SLC12A8: variants seen among roughly 807,000 people sequenced by gnomAD.
SLC12A8 encodes the protein solute carrier family 12 member 8.
In SLC12A8, 69 loss-of-function variants were observed where a neutral mutation model predicts 75.6. The observed-to-expected ratio is 0.91, with a 90% CI of 0.75 to 1.11. The LOEUF is 1.11. SLC12A8 is among the 50% of genes most tolerant of loss of function. The pLI, the probability that SLC12A8 is intolerant of heterozygous loss-of-function variation, is 0.00. For synonymous variants in SLC12A8, 365 were observed against 372.8 expected (o/e 0.98, Z 0.24); for missense variants, 877 against 896.7 (o/e 0.98, Z 0.28).
rs530680680 is a variant in SLC12A8 at position 125,156,863 on chromosome 3, C to T, written c.622+20880G>A. Among the ~76,000 whole-genome samples the T allele has an allele frequency of 5.3e-5, 8 of 152,308 alleles. No homozygotes were observed. The East Asian group carries it at 1.5e-3, about 29-fold the overall frequency. On this transcript the variant is annotated intron_variant, in intron 5 of 13. Transcript: ENST00000469902. ...AGAGCAAATCTGATTCAACCCCTTC[C>T]CTGCTTCAAAGAAAAGCCTATTGAC...
intron 4 of SLC12A8, among the ~76,000 whole-genome samples, chr3:125,179,785 C>T (rs1468267861): frequency 6.6e-6 from 1 of 152,188 alleles, no homozygotes; most frequent in Non-Finnish European, 1.5e-5. Context: ...AGAACTCAAA[C>T]TTCCTCTTTA....
intron 5 of SLC12A8, among the ~76,000 whole-genome samples, chr3:125,158,220 CT>C (rs540194580): frequency 3.4e-4 from 50 of 146,544 alleles, no homozygotes; most frequent in Middle Eastern, 3.5e-3. Flanking sequence ...TTAGCTTTTC[CT>C]TTTTTTTTTT....
intron 3 of SLC12A8, 59 bp from the exon 4 acceptor site, chr3:125,187,487 T>C (rs1449623402): frequency 1.7e-5 from 25 of 1,509,782 alleles, no homozygotes; most frequent in African/African-American, 4.1e-5. Flanking sequence ...GCCAGCTCCC[T>C]GCTGGGGGCA....
At position 125,162,477 on chromosome 3, in the gene SLC12A8, C is replaced by T. The variant is rs151258210; in HGVS notation, c.622+15266G>A. On this transcript the variant is annotated intron_variant, in intron 5 of 13. Transcript: ENST00000469902. ...ATCACGTCACCAGAGACAAAGCCAA[C>T]GGAGGGTGGAAGCAACAGGAGCGTG... 3.6e-3 allele frequency among the ~76,000 whole-genome samples: 543 copies of T among 152,314 alleles called. 1 individual carries two copies. The highest frequency in any genetic ancestry group is 0.012 in the African/African-American group (500 of 41,560).
At chr3:125,092,950 A>C (rs139287180) in intron 10 of SLC12A8, among the ~76,000 whole-genome samples, 3 of 152,156 alleles carry the variant, frequency 2.0e-5, no homozygotes, top group Non-Finnish European at 2.9e-5. Context: ...AATAGTGTAC[A>C]CTGTAGCCAT....
At position 125,107,752 on chromosome 3, in the gene SLC12A8, C is replaced by A. The variant is rs76714073; in HGVS notation, c.1434G>T (p.Arg478Ser). 0.01 allele frequency: 16,797 copies of A among 1,614,148 alleles called. 97 individuals carry two copies. Among genetic ancestry groups the A allele is most frequent in the Non-Finnish European group, 0.012 (14,389 of 1,180,030 alleles). The change falls in exon 10 of 14, where the codon AGG (arginine) becomes AGT (serine). Residue 478 changes from arginine (R) to serine (S), a missense_variant. Physicochemically the swap from Arg to Ser is moderately radical, Grantham distance 110. Transcript: ENST00000469902. ...CTGGGGTCCTGTTACCCTCTCCTTG[C>A]CTGGGCTGGCTACTCTCAAGCTTCC... Reference protein sequence around the residue: ...LTRKLESSQPRQGEGNRTPES... With the variant: ...LTRKLESSQPSQGEGNRTPES...
intron 6 of SLC12A8, among the ~76,000 whole-genome samples, chr3:125,131,920 G>C (rs911780276): frequency 4.6e-5 from 7 of 152,178 alleles, no homozygotes; most frequent in Non-Finnish European, 1.0e-4. Context: ...TGGCAGTACT[G>C]GTGGGGAGCC....
At chr3:125,100,752 G>A (rs1192276755) in intron 10 of SLC12A8, among the ~76,000 whole-genome samples, 2 of 148,106 alleles carry the variant, frequency 1.4e-5, no homozygotes, top group East Asian at 2.1e-4. Context: ...GGTGGCTCAC[G>A]CCTGTAATCC....
At chr3:125,132,389 A>G (rs652746) in intron 6 of SLC12A8, among the ~76,000 whole-genome samples, 136,353 of 152,246 alleles carry the variant, frequency 0.9, 62,540 homozygotes, top group Non-Finnish European at 0.99. Context: ...TCAGGCAGGA[A>G]GCTGACACAG....
intron 2 of SLC12A8, among the ~76,000 whole-genome samples, chr3:125,205,882 C>CT (rs1385785898): frequency 1.3e-5 from 2 of 152,150 alleles, no homozygotes; most frequent in African/African-American, 4.8e-5. Flanking sequence ...GGTCATGGCT[C>CT]TAGGAATCCC....
intron 1 of SLC12A8, among the ~76,000 whole-genome samples, 167 bp from the exon 2 acceptor site, chr3:125,211,561 C>G (rs878948093): frequency 6.6e-6 from 1 of 152,200 alleles, no homozygotes; most frequent in South Asian, 2.1e-4. Flanking sequence ...CTTTTTGGTA[C>G]CCAGGTAGAT....
intron 5 of SLC12A8, among the ~76,000 whole-genome samples, chr3:125,162,129 C>T (rs184473512): frequency 1.3e-5 from 2 of 152,270 alleles, no homozygotes; most frequent in African/African-American, 2.4e-5. Context: ...ATCGCCCAGG[C>T]GACTGCAGAT....
intron 6 of SLC12A8, chr3:125,121,076 A>G (rs1933046398): frequency 3.6e-6 from 2 of 549,602 alleles, no homozygotes; most frequent in South Asian, 4.9e-5. Context: ...CCTGCTCAGC[A>G]GCTTTCCCTG....
At chr3:125,139,991 T>G (rs1250766977) in intron 5 of SLC12A8, among the ~76,000 whole-genome samples, 2 of 152,212 alleles carry the variant, frequency 1.3e-5, no homozygotes, top group Non-Finnish European at 2.9e-5. Flanking sequence ...CAGCTACATC[T>G]GCACGTGAGA....
chr3:125,189,629 C>T (rs1005590521), intron 3 of SLC12A8, among the ~76,000 whole-genome samples: 2 of 152,182 alleles, frequency 1.3e-5, no homozygotes, highest in African/African-American at 4.8e-5. Context: ...TTTTGTGATC[C>T]CACTGGCACT....
At chr3:125,132,857 G>T (rs1933394115) in intron 6 of SLC12A8, among the ~76,000 whole-genome samples, 2 of 152,176 alleles carry the variant, frequency 1.3e-5, no homozygotes, top group South Asian at 2.1e-4. Context: ...ACATTGGACA[G>T]GCAGGTGGAG....
At chr3:125,105,783 A>C (rs1181455376) in intron 10 of SLC12A8, among the ~76,000 whole-genome samples, 1 of 152,138 alleles carries the variant, frequency 6.6e-6, no homozygotes, top group Admixed American at 6.5e-5. Context: ...TAATTTCAGC[A>C]CTTTGGGAGG....
At chr3:125,180,069 T>C (rs1418973025) in intron 4 of SLC12A8, among the ~76,000 whole-genome samples, 1 of 151,972 alleles carries the variant, frequency 6.6e-6, no homozygotes, top group Non-Finnish European at 1.5e-5. Context: ...GCTCACGCAA[T>C]GTGAGCCAAG....
chr3:125,211,331 C>G lies in SLC12A8; in HGVS notation c.19G>C (p.Val7Leu). ...GCTGCCTCATGGAAGAGCTCCTGCA[C>G]CTGGGACATCTGGGTCATTCTCCAG... MTQMSQVQELFHEAAQQ... is the reference protein window; with the variant it reads MTQMSQLQELFHEAAQQ... Residue 7 changes from valine (V) to leucine (L), a missense_variant, in exon 2 of 14, where the codon GTG becomes CTG. Coordinates refer to ENST00000469902, the MANE Select transcript of SLC12A8 (RefSeq NM_024628.6). The G allele has an allele frequency of 6.2e-7, 1 of 1,613,846 alleles. No homozygotes were observed. The highest frequency in any genetic ancestry group is 8.5e-7 in the Non-Finnish European group (1 of 1,179,988).
Sources: gnomAD v4.1 joint callset for allele counts (sites outside exome capture counted in the v4.1 genomes callset) on GRCh38, gnomAD v4.1.1 for gene constraint, MANE v1.5 for transcripts, NCBI Gene and HGNC (gene_info 2026-07-23, HGNC 2026-07-21) for gene names.